Variants in FAM229B observed in about 807,000 individuals in gnomAD.
FAM229B encodes protein FAM229B.
Under a neutral mutation model 6.7 loss-of-function variants are expected in FAM229B, and 2 were observed. The ratio of observed to expected loss-of-function variants is 0.30; its 90% CI spans 0.12 to 0.94. The LOEUF is 0.94. FAM229B is among the 40% of genes least tolerant of loss of function. The pLI is 0.54. For synonymous variants in FAM229B, 29 were observed against 34.0 expected (o/e 0.85, Z 0.51); for missense variants, 93 against 96.2 (o/e 0.97, Z 0.14).
chr6:112,095,635 C>CAAAAAAAAAAAAAAAAA (rs1186446249), intron 1 of FAM229B, among the ~76,000 whole-genome samples: 1 of 48,796 alleles, frequency 2.0e-5, no homozygotes, highest in Non-Finnish European at 3.6e-5. Context: ...GACCCTGTCT[C>CAAAAAAAAAAAAAAAAA]AAAAAAAAAA....
At chr6:112,099,864 C>A (rs587766055) in intron 3 of FAM229B, among the ~76,000 whole-genome samples, 1 of 152,198 alleles carries the variant, frequency 6.6e-6, no homozygotes, top group East Asian at 1.9e-4. Context: ...GGCTTTGCTG[C>A]GACCTTTGGC....
chr6:112,093,686 A>G (rs1192427247), intron 1 of FAM229B, among the ~76,000 whole-genome samples: 4 of 152,142 alleles, frequency 2.6e-5, no homozygotes, highest in African/African-American at 7.2e-5. Context: ...ATGGAACCTA[A>G]TTAGAAATCA....
In FAM229B at chr6:112,096,800, G is replaced by T. The variant is rs1583606686; in HGVS notation, c.-175-241G>T. Among the ~76,000 whole-genome samples, 3 of 152,226 alleles carry T rather than the reference G, an allele frequency of 2.0e-5. No homozygotes were observed. In the East Asian group the frequency reaches 5.8e-4, roughly 29 times the overall value. ...ATGGGATTTATTTGGGATGTTATAA[G>T]AGAAGGTCTGGGAGAGAAAGGGAAT... On this transcript the variant is annotated intron_variant, in intron 1 of 3. Coordinates refer to ENST00000368656, the MANE Select transcript of FAM229B (RefSeq NM_001033564.3).
Position 112,100,791 on chromosome 6 carries a change from C to T in FAM229B, c.*4C>T, listed in dbSNP as rs1583608948. The T allele has an allele frequency of 1.2e-6, 2 of 1,604,602 alleles. No homozygotes were observed. The highest frequency in any genetic ancestry group is 4.5e-5 in the East Asian group (2 of 44,826). The stretch of plus-strand genomic sequence containing the variant: ...CAAGGAAATGCATCCTAAATAGCAC[C>T]ATTAAGTCTTTTGTCAAGGTCTGAC... On this transcript the variant is annotated 3_prime_UTR_variant, in exon 4 of 4. Transcript: ENST00000368656.
At chr6:112,089,885 A>G (rs1054372989) in intron 1 of FAM229B, among the ~76,000 whole-genome samples, 33 of 152,232 alleles carry the variant, frequency 2.2e-4, no homozygotes, top group Non-Finnish European at 3.5e-4. Flanking sequence ...AGAAAAATAC[A>G]TAGATTAAAA....
At chr6:112,090,836 C>G (rs587673752) in intron 1 of FAM229B, among the ~76,000 whole-genome samples, 1 of 152,260 alleles carries the variant, frequency 6.6e-6, no homozygotes, top group African/African-American at 2.4e-5. Flanking sequence ...TCCATCATTT[C>G]ACATACTCAG....
intron 2 of FAM229B, among the ~76,000 whole-genome samples, chr6:112,098,419 A>G (rs1185448571): frequency 2.0e-5 from 3 of 152,190 alleles, no homozygotes; most frequent in African/African-American, 7.2e-5. Context: ...ACTAATGCTC[A>G]GTAGTACCTG....
At chr6:112,095,270 A>G (rs1777306681) in intron 1 of FAM229B, among the ~76,000 whole-genome samples, 1 of 152,140 alleles carries the variant, frequency 6.6e-6, no homozygotes, top group Non-Finnish European at 1.5e-5. Flanking sequence ...GTAAGGTAGG[A>G]ATTAATACCA....
At chr6:112,093,758 A>G (rs1428782228) in intron 1 of FAM229B, among the ~76,000 whole-genome samples, 1 of 152,082 alleles carries the variant, frequency 6.6e-6, no homozygotes, top group Non-Finnish European at 1.5e-5. Context: ...ACTGAAGCCA[A>G]CTATAGCAGC....
intron 1 of FAM229B, among the ~76,000 whole-genome samples, chr6:112,089,404 A>G (rs1777227346): frequency 6.6e-6 from 1 of 152,158 alleles, no homozygotes; most frequent in South Asian, 2.1e-4. Context: ...AAAATTCATC[A>G]TATCTACTTT....
In FAM229B at chr6:112,100,650, T is replaced by C. The variant is rs1583608757; in HGVS notation, c.126-20T>C. The C allele has an allele frequency of 6.5e-7, 1 of 1,536,404 alleles. No individual in the cohort carries two copies. The highest frequency in any genetic ancestry group is 9.0e-7 in the Non-Finnish European group (1 of 1,110,338). On this transcript the variant is annotated intron_variant, in intron 3 of 3. Transcript: ENST00000368656. ...CCTCTTTTTAGTATCTAACTACATG[T>C]CATCTGCTTTTTTATTCAGGCAACT... is the stretch of plus-strand genomic sequence containing the variant.
intron 1 of FAM229B, among the ~76,000 whole-genome samples, chr6:112,092,484 ATG>A (rs1777270660): frequency 6.6e-6 from 1 of 152,106 alleles, no homozygotes; most frequent in East Asian, 1.9e-4. Flanking sequence ...CACAATGAAT[ATG>A]AAAAAAAGAG....
rs1263147101 is a variant in FAM229B, at chr6:112,102,293, G to A, written c.*1506G>A. 1 of 152,100 alleles carries A rather than the reference G, an allele frequency of 6.6e-6. No homozygotes were observed. Among genetic ancestry groups the A allele is most frequent in the East Asian group, 1.9e-4 (1 of 5,180 alleles). The allele number at this position is 152,100 out of a possible 1,614,324, so 9.4% of individuals were successfully genotyped here. A position where few individuals can be genotyped will look rare whatever the true frequency, so the allele number is the denominator to read the frequency against. On this transcript the variant is annotated 3_prime_UTR_variant, in exon 4 of 4. Transcript: ENST00000368656. ...GAGGTCAGGCATTCGAAGCCAGCCT[G>A]GCCAACATGGTGAAACCCCGACTCT...
chr6:112,089,157 T>A (rs1170505576), intron 1 of FAM229B, among the ~76,000 whole-genome samples: 1 of 152,162 alleles, frequency 6.6e-6, no homozygotes, highest in Non-Finnish European at 1.5e-5. Flanking sequence ...GGGGTGCAGT[T>A]TTATTGTAGT....
chr6:112,099,427 A>T lies in FAM229B; in HGVS notation c.125+19A>T. Reference sequence around the variant, plus strand: ...CAACCAGGTAAAGTCTTCTGTCCTCACAAGTGAGGAGATATGTATTGGCTA... The same window carrying T: ...CAACCAGGTAAAGTCTTCTGTCCTCTCAAGTGAGGAGATATGTATTGGCTA... On this transcript the variant is annotated intron_variant, in intron 3 of 3. Transcript: ENST00000368656. 6.2e-7 allele frequency: 1 copy of T among 1,605,896 alleles called. No homozygotes were observed. The highest frequency in any genetic ancestry group is 8.5e-7 in the Non-Finnish European group (1 of 1,176,352).
intron 1 of FAM229B, 52 bp from the exon 2 acceptor site, chr6:112,096,989 C>T (rs1777334875): frequency 6.6e-6 from 1 of 152,222 alleles, no homozygotes; most frequent in Non-Finnish European, 1.5e-5. Context: ...AAATTTTTAG[C>T]TAAGCCTCAG....
At chr6:112,094,795 T>C (rs1554318509) in intron 1 of FAM229B, among the ~76,000 whole-genome samples, 3 of 152,174 alleles carry the variant, frequency 2.0e-5, no homozygotes, top group African/African-American at 7.2e-5. Flanking sequence ...TGAATTAATA[T>C]CTTGAGAATT....
chr6:112,099,082 C>T (rs1777362066), intron 2 of FAM229B, among the ~76,000 whole-genome samples, 188 bp from the exon 3 acceptor site: 1 of 152,060 alleles, frequency 6.6e-6, no homozygotes, highest in African/African-American at 2.4e-5. Flanking sequence ...TCACTTAAGC[C>T]CAGGGTTTCA....
intron 3 of FAM229B, among the ~76,000 whole-genome samples, chr6:112,100,303 A>G (rs1777379477): frequency 6.6e-6 from 1 of 152,234 alleles, no homozygotes; most frequent in Non-Finnish European, 1.5e-5. Flanking sequence ...AAATCACTCA[A>G]CTAAGGTGAT....
Sources: allele counts gnomAD v4.1 joint callset (sites outside exome capture counted in the v4.1 genomes callset), GRCh38; gene constraint gnomAD v4.1.1; transcripts MANE v1.5; gene names NCBI Gene and HGNC (gene_info 2026-07-23, HGNC 2026-07-21).